The following RAD52 variants were observed in gnomAD, a reference collection of about 807,000 sequenced individuals.
RAD52 encodes the protein DNA repair protein RAD52 homolog.
RAD52 carries 47 observed loss-of-function variants against 55.5 expected under a neutral mutation model. The ratio of observed to expected loss-of-function variants is 0.85; its 90% CI spans 0.67 to 1.08. The LOEUF is 1.08. Ranked by LOEUF, RAD52 falls within the 50% of genes least tolerant of loss-of-function variation. RAD52 has a pLI of 0.00. For missense variants in RAD52, 468 were observed against 522.8 expected (o/e 0.90, Z 1.02); for synonymous variants, 184 against 198.9 (o/e 0.92, Z 0.63).
At chr12:926,745 T>G in intron 6 of RAD52, 1 of 1,477,292 alleles carries the variant, frequency 6.8e-7, no homozygotes, top group Non-Finnish European at 9.1e-7. Flanking sequence ...GCAACATAAA[T>G]GGACTAACAC....
At chr12:931,372 T>C in intron 2 of RAD52, 51 bp from the exon 3 acceptor site, 1 of 1,330,344 alleles carries the variant, frequency 7.5e-7, no homozygotes, top group Non-Finnish European at 1.0e-6. Flanking sequence ...ATTCCTCACA[T>C]CATTGAGTCT....
intron 1 of RAD52, among the ~76,000 whole-genome samples, chr12:936,297 C>T (rs995227740): frequency 3.9e-5 from 6 of 151,914 alleles, no homozygotes; most frequent in Non-Finnish European, 2.9e-5. Context: ...GAGCAAGACT[C>T]TTTCTCAAAA....
chr12:990,300 A>G (rs559207425), upstream of RAD52: 6 of 152,070 alleles, frequency 3.9e-5, no homozygotes, highest in Non-Finnish European at 8.8e-5. Flanking sequence ...CTTGGTTTAG[A>G]GATAGCTTAT....
chr12:936,085 C>A (rs1450892762), intron 1 of RAD52, among the ~76,000 whole-genome samples: 2 of 151,884 alleles, frequency 1.3e-5, no homozygotes, highest in African/African-American at 2.4e-5. Flanking sequence ...AGGTGGATAA[C>A]CTGAGGTCAG....
chr12:931,254 T>C lies in RAD52; in HGVS notation c.152A>G (p.Tyr51Cys), dbSNP rs746657110. 1 of 1,612,806 alleles carries C rather than the reference T, an allele frequency of 6.2e-7. No individual in the cohort carries two copies. Among genetic ancestry groups the C allele is most frequent in the Non-Finnish European group, 8.5e-7 (1 of 1,179,634 alleles). Residue 51 changes from tyrosine (Y) to cysteine (C), a missense_variant, in exon 3 of 12, where the codon TAC becomes TGC. Tyr to Cys is a radical substitution (Grantham distance 194). Transcript: ENST00000358495. Reference protein sequence around the residue: ...KALRQRLGPEYISSRMAGGGQ... With the variant: ...KALRQRLGPECISSRMAGGGQ... ...TCCGCCAGCCATGCGGCTACTTATG[T>C]ATTCTGGGCCCAGCCTCTGCCTCAG... is the stretch of plus-strand genomic sequence containing the variant.
At chr12:940,193 G>T (rs1302579374) in intron 1 of RAD52, among the ~76,000 whole-genome samples, 1 of 152,132 alleles carries the variant, frequency 6.6e-6, no homozygotes, top group South Asian at 2.1e-4. Context: ...CCGTTAAATC[G>T]GGAGGGAGGA....
chr12:985,719 T>C (rs1340466055), intron 1 of RAD52, among the ~76,000 whole-genome samples: 3 of 152,198 alleles, frequency 2.0e-5, no homozygotes, highest in Non-Finnish European at 2.9e-5. Flanking sequence ...TCTTGCTCAT[T>C]GCAACCTCCG....
rs1958457807 is a variant in RAD52, at chr12:949,593, C to T, written c.-19+9G>A. On this transcript the variant is annotated intron_variant, in intron 1 of 11. Transcript: ENST00000358495. The stretch of plus-strand genomic sequence containing the variant: ...ACCCCGGGGGAAGCCGCTCTCCTCC[C>T]CCACTTACGCGCCTCGGGCAGCGCG... 6.6e-6 allele frequency: 1 copy of T among 152,450 alleles called. No homozygotes were observed. The highest frequency in any genetic ancestry group is 1.5e-5 in the Non-Finnish European group (1 of 68,304). 9.4% of individuals were successfully genotyped at this position (152,450 alleles called of 1,614,324 possible). A position where few individuals can be genotyped will look rare whatever the true frequency, so the allele number is the denominator to read the frequency against.
chr12:971,207 A>G (rs565976768), intron 1 of RAD52, among the ~76,000 whole-genome samples: 1 of 152,280 alleles, frequency 6.6e-6, no homozygotes, highest in South Asian at 2.1e-4. Flanking sequence ...GATGCAACCA[A>G]TATGTACGTT....
intron 8 of RAD52, 34 bp downstream of exon 8, chr12:916,605 C>T: frequency 6.2e-7 from 1 of 1,600,554 alleles, no homozygotes; most frequent in Non-Finnish European, 8.5e-7. Flanking sequence ...ACAGGAGGGG[C>T]CGCAGAGGAA....
chr12:923,047 A>G (rs1230331693), intron 7 of RAD52, among the ~76,000 whole-genome samples: 3 of 151,900 alleles, frequency 2.0e-5, no homozygotes, highest in Non-Finnish European at 4.4e-5. Context: ...TAGTAGAGAC[A>G]GGGTTTCACC....
intron 1 of RAD52, among the ~76,000 whole-genome samples, chr12:971,967 C>T (rs1169330042): frequency 6.6e-6 from 1 of 152,114 alleles, no homozygotes; most frequent in Non-Finnish European, 1.5e-5. Flanking sequence ...CCAGGATGGT[C>T]TCGATCTCCT....
chr12:916,113 T>G, intron 9 of RAD52: 2 of 1,203,798 alleles, frequency 1.7e-6, no homozygotes, highest in Non-Finnish European at 2.1e-6. Flanking sequence ...CAAGGCCCAC[T>G]TAGTTCCACG....
intron 6 of RAD52, 143 bp downstream of exon 6, chr12:927,002 A>G: frequency 6.4e-7 from 1 of 1,561,700 alleles, no homozygotes; most frequent in Non-Finnish European, 8.7e-7. Context: ...GCAGACAGGA[A>G]CCAGGGCAGG....
upstream of RAD52, among the ~76,000 whole-genome samples, chr12:953,147 A>C (rs1407594667): frequency 6.6e-6 from 1 of 150,608 alleles, no homozygotes; most frequent in East Asian, 2.0e-4. Flanking sequence ...TTTACTAAAA[A>C]TACAAACATT....
intron 1 of RAD52, among the ~76,000 whole-genome samples, chr12:971,021 T>G (rs1180243693): frequency 6.6e-6 from 1 of 152,218 alleles, no homozygotes; most frequent in African/African-American, 2.4e-5. Context: ...TGTGCATATG[T>G]CACCATTTTT....
upstream of RAD52, among the ~76,000 whole-genome samples, chr12:952,915 A>AGGGAAGGGAG (rs1160316492): frequency 3.7e-4 from 25 of 66,946 alleles, no homozygotes; most frequent in Non-Finnish European, 6.2e-4. Context: ...ACGGAAGAGA[A>AGGGAAGGGAG]GGGAAGGGAG....
intron 1 of RAD52, among the ~76,000 whole-genome samples, chr12:936,042 A>G (rs1273144837): frequency 6.6e-6 from 1 of 151,544 alleles, no homozygotes; most frequent in African/African-American, 2.4e-5. Context: ...GGTGGCTCAC[A>G]CTTGTAATCC....
intron 1 of RAD52, among the ~76,000 whole-genome samples, chr12:982,469 C>G (rs1565716053): frequency 6.6e-6 from 1 of 152,096 alleles, no homozygotes; most frequent in Non-Finnish European, 1.5e-5. Context: ...GCTAAATAAC[C>G]AAATTTATCA....
Sources: allele counts gnomAD v4.1 joint callset (sites outside exome capture counted in the v4.1 genomes callset), GRCh38; gene constraint gnomAD v4.1.1; transcripts MANE v1.5; gene names NCBI Gene and HGNC (gene_info 2026-07-23, HGNC 2026-07-21).